The following ARID1B variants were observed in gnomAD, a reference collection of about 807,000 sequenced individuals.
ARID1B encodes AT-rich interactive domain-containing protein 1B.
ARID1B carries 30 observed loss-of-function variants against 212.3 expected under a neutral mutation model. The ratio of observed to expected loss-of-function variants is 0.14; its 90% CI spans 0.11 to 0.19. The LOEUF is 0.19. ARID1B is among the 10% of genes least tolerant of loss of function. ARID1B has a pLI of 1.00. For missense variants in ARID1B, 2,891 were observed against 3,204.0 expected (o/e 0.90, Z 2.36); for synonymous variants, 1,402 against 1,301.7 (o/e 1.08, Z -1.66).
At chr6:157,187,198 T>G (rs1250515307) in intron 13 of ARID1B, among the ~76,000 whole-genome samples, 2 of 152,134 alleles carry the variant, frequency 1.3e-5, no homozygotes, top group African/African-American at 4.8e-5. Flanking sequence ...CCCCAGCCTG[T>G]AAGCTGGAGA....
chr6:156,906,820 A>T (rs185700546), intron 3 of ARID1B, among the ~76,000 whole-genome samples: 5 of 152,280 alleles, frequency 3.3e-5, no homozygotes, highest in Admixed American at 3.3e-4. Context: ...CTTTTATAAC[A>T]TTCTTCAAAA....
At chr6:156,872,130 G>T (rs1786182056) in intron 2 of ARID1B, among the ~76,000 whole-genome samples, 1 of 152,184 alleles carries the variant, frequency 6.6e-6, no homozygotes, top group Admixed American at 6.5e-5. Flanking sequence ...CTCAAGGCGA[G>T]TGATCCTGAG....
intron 3 of ARID1B, among the ~76,000 whole-genome samples, chr6:156,913,470 G>C (rs897665636): frequency 6.6e-6 from 1 of 151,928 alleles, no homozygotes; most frequent in Non-Finnish European, 1.5e-5. Context: ...GCCTGCCTCA[G>C]CCTCCCAAAG....
intron 6 of ARID1B, chr6:157,110,906 G>A (rs1786859441): frequency 3.5e-6 from 1 of 282,974 alleles, no homozygotes; most frequent in Non-Finnish European, 6.8e-6. Context: ...GTCCCAATGT[G>A]TGTGTGTGGC....
intron 1 of ARID1B, among the ~76,000 whole-genome samples, chr6:156,817,416 A>G (rs1411411457): frequency 6.6e-6 from 1 of 152,140 alleles, no homozygotes; most frequent in Non-Finnish European, 1.5e-5. Flanking sequence ...CAGGAGGATC[A>G]CTTGAGCCCA....
intron 4 of ARID1B, among the ~76,000 whole-genome samples, chr6:156,985,950 C>T (rs188989062): frequency 1.7e-3 from 255 of 152,254 alleles, no homozygotes; most frequent in Non-Finnish European, 2.8e-3. Context: ...TGCTTTATTT[C>T]GAGATGTAAT....
chr6:156,968,891 T>A (rs1004067061), intron 4 of ARID1B, among the ~76,000 whole-genome samples: 6 of 152,220 alleles, frequency 3.9e-5, no homozygotes, highest in Non-Finnish European at 5.9e-5. Context: ...TGGCTTGAGG[T>A]TGTGTGCTAG....
rs768415267 is a variant in ARID1B, at chr6:157,207,273, C to G, written c.6501C>G (p.Ile2167Met). The G allele has an allele frequency of 2.5e-6, 4 of 1,614,048 alleles. No homozygotes were observed. The Admixed American group carries it at 6.7e-5, about 27-fold the overall frequency. Residue 2167 changes from isoleucine to methionine, a missense_variant, in exon 20 of 20, where the codon ATC becomes ATG. Physicochemically the swap from Ile to Met is conservative, Grantham distance 10. Around this residue, in one of 7 missense-constraint regions of ARID1B, gnomAD observed 187 missense variants for 306.5 expected, o/e 0.61. Coordinates refer to ENST00000636930, the MANE Select transcript of ARID1B (RefSeq NM_001374828.1). The surrounding 1 kb of genome is among the most constrained non-coding windows in gnomAD (Gnocchi z 8.5). The part of the protein sequence containing the change: ...QLDLSAYTES[I>M]CLPILDGLLH... Reference sequence around the variant, plus strand: ...ACTTGTCTGCTTACACGGAAAGCATCTGCTTGCCAATTTTGGATGGCTTGC... The same window carrying G: ...ACTTGTCTGCTTACACGGAAAGCATGTGCTTGCCAATTTTGGATGGCTTGC...
intron 7 of ARID1B, among the ~76,000 whole-genome samples, chr6:157,135,393 G>T (rs1011173887): frequency 1.3e-5 from 2 of 152,154 alleles, no homozygotes; most frequent in African/African-American, 4.8e-5. Flanking sequence ...GTGTTTTAAG[G>T]CATGAACCTT....
At chr6:157,151,790 C>T (rs546845565) in intron 8 of ARID1B, 1 of 152,216 alleles carries the variant, frequency 6.6e-6, no homozygotes, top group African/African-American at 2.4e-5. Flanking sequence ...GAACTATCAC[C>T]TAGCTTTGTT....
chr6:157,075,770 G>A (rs1231314895), intron 4 of ARID1B, among the ~76,000 whole-genome samples: 2 of 152,194 alleles, frequency 1.3e-5, no homozygotes, highest in African/African-American at 4.8e-5. Flanking sequence ...AAATCTGTAA[G>A]CCCAGTCTCA....
chr6:156,804,857 A>G (rs972049724), intron 1 of ARID1B, among the ~76,000 whole-genome samples: 5 of 125,362 alleles, frequency 4.0e-5, no homozygotes, highest in Non-Finnish European at 8.1e-5. Context: ...GAGAGATGTG[A>G]TCTGATTGGC....
chr6:156,909,364 TC>T (rs1393796202), intron 3 of ARID1B, among the ~76,000 whole-genome samples: 1 of 152,078 alleles, frequency 6.6e-6, no homozygotes, highest in Non-Finnish European at 1.5e-5. Context: ...GACCTTGTGA[TC>T]CACCTGCCTC....
intron 4 of ARID1B, among the ~76,000 whole-genome samples, chr6:157,081,351 G>T (rs181922440): frequency 1.3e-5 from 2 of 152,290 alleles, no homozygotes; most frequent in African/African-American, 4.8e-5. Context: ...GAGCTTCTTT[G>T]TTAACTAGGC....
At chr6:157,058,274 T>A in intron 4 of ARID1B, among the ~76,000 whole-genome samples, 1 of 150,806 alleles carries the variant, frequency 6.6e-6, no homozygotes, top group Admixed American at 6.6e-5. Flanking sequence ...GTCTTTTTTT[T>A]TTTTTTTTGA....
rs902743689 is a variant in ARID1B, at chr6:156,935,649, G to C, written c.2247+73G>C. 13 of 1,321,010 alleles carry C rather than the reference G, an allele frequency of 9.8e-6. No homozygotes were observed. In the South Asian group the frequency reaches 1.2e-4, roughly 13 times the overall value. 81.8% of individuals were successfully genotyped at this position (1,321,010 alleles called of 1,614,324 possible). On this transcript the variant is annotated intron_variant, in intron 4 of 19. Transcript: ENST00000636930. The stretch of plus-strand genomic sequence containing the variant: ...TTAGAAAGAGCTGTTGTTTTTGTTT[G>C]TTCTACTTTATATTATGACATGATT...
intron 4 of ARID1B, among the ~76,000 whole-genome samples, chr6:157,080,905 GAAGTT>G (rs947138473): frequency 5.3e-5 from 8 of 152,194 alleles, no homozygotes; most frequent in African/African-American, 1.9e-4. Flanking sequence ...ATCGATAGTA[GAAGTT>G]AAGTTATTTT....
At chr6:156,849,526 G>C (rs1252552099) in intron 2 of ARID1B, among the ~76,000 whole-genome samples, 1 of 152,170 alleles carries the variant, frequency 6.6e-6, no homozygotes, top group Non-Finnish European at 1.5e-5. Context: ...TTCATAGAGA[G>C]AAGCATCTGC....
intron 4 of ARID1B, among the ~76,000 whole-genome samples, chr6:157,015,555 G>A (rs1284592121): frequency 6.6e-6 from 1 of 152,138 alleles, no homozygotes; most frequent in Non-Finnish European, 1.5e-5. Flanking sequence ...TGCGAAGACT[G>A]TCTCTGATAG....
Sources: allele counts gnomAD v4.1 joint callset (sites outside exome capture counted in the v4.1 genomes callset), GRCh38; gene constraint gnomAD v4.1.1; regional missense constraint gnomAD v4.1.1; non-coding constraint Gnocchi (gnomAD v3.1); transcripts MANE v1.5; gene names NCBI Gene and HGNC (gene_info 2026-07-23, HGNC 2026-07-21).